CHKB: variants seen among roughly 807,000 people sequenced by gnomAD.
CHKB encodes choline kinase beta, also known as choline/ethanolamine kinase.
Under a neutral mutation model 57.3 loss-of-function variants are expected in CHKB, and 45 were observed. That is an observed-to-expected ratio of 0.79 (90% CI 0.62 to 1.01). The LOEUF (loss-of-function observed/expected upper bound fraction) is 1.01, where lower values mean the gene tolerates loss of function less well. Among genes scored for constraint, CHKB ranks in the 50% least tolerant of loss-of-function variants. The pLI, the probability that CHKB is intolerant of heterozygous loss-of-function variation, is 0.00. For missense variants in CHKB, 517 were observed against 502.8 expected (o/e 1.03, Z -0.27); for synonymous variants, 224 against 201.8 (o/e 1.11, Z -0.93).
Position 50,579,340 on chromosome 22 carries a change from C to G in CHKB, c.1114-85G>C, listed in dbSNP as rs538239713. The stretch of plus-strand genomic sequence containing the variant: ...CCACCTCAGGCTGCCCACAGCCACC[C>G]GGGACTCCCCAGGCCTCCTGGAAGA... On this transcript the variant is annotated intron_variant, in intron 10 of 10. Transcript: ENST00000406938. 2.5e-6 allele frequency: 4 copies of G among 1,579,242 alleles called. No homozygotes were observed. The African/African-American group carries it at 5.4e-5, about 21-fold the overall frequency.
chr22:50,581,558 AC>A lies in CHKB; in HGVS notation c.448-6del. 6.2e-7 allele frequency: 1 copy of A among 1,613,842 alleles called. No homozygotes were observed. The highest frequency in any genetic ancestry group is 1.3e-5 in the African/African-American group (1 of 75,022). ...TTGAGTTTTCAATGGCCGACTCTGC[AC>A]CCAGGAAGCTATCAGGGTGGTGATG... On this transcript the variant is annotated splice_region_variant and splice_polypyrimidine_tract_variant and intron_variant, in intron 3 of 10. Transcript: ENST00000406938.
Position 50,579,046 on chromosome 22 carries a change from G to C in CHKB, c.*135C>G, listed in dbSNP as rs2070607869. ...GCCATGGGGACCTACTCAAACTCAG[G>C]AACAGGCCGGTCTCCTGAACCTCAG... On this transcript the variant is annotated 3_prime_UTR_variant, in exon 11 of 11. Coordinates refer to ENST00000406938, the MANE Select transcript of CHKB (RefSeq NM_005198.5). 4 of 844,710 alleles carry C rather than the reference G, an allele frequency of 4.7e-6. No homozygotes were observed. In the Admixed American group the frequency reaches 8.0e-5, roughly 17 times the overall value. The allele number at this position is 844,710 out of a possible 1,614,324, so 52.3% of individuals were successfully genotyped here.
At position 50,581,745 on chromosome 22, in the gene CHKB, G is replaced by C. The variant is rs375161469; in HGVS notation, c.447+4C>G. On this transcript the variant is annotated splice_donor_region_variant and intron_variant, in intron 3 of 10. Coordinates refer to ENST00000406938, the MANE Select transcript of CHKB (RefSeq NM_005198.5). Reference sequence around the variant, plus strand: ...GGGAGGAGAGGGTAGGACTGGGCCCGTACTGGGATGTACTGTTCCAGCCGG... The same window carrying C: ...GGGAGGAGAGGGTAGGACTGGGCCCCTACTGGGATGTACTGTTCCAGCCGG... 1 of 1,612,932 alleles carries C rather than the reference G, an allele frequency of 6.2e-7. No individual in the cohort carries two copies. Among genetic ancestry groups the C allele is most frequent in the South Asian group, 1.1e-5 (1 of 91,064 alleles).
rs387907068 is a variant in CHKB at position 50,582,666 on chromosome 22, G to A, written c.116C>T (p.Ser39Leu). The A allele has an allele frequency of 6.2e-7, 1 of 1,608,378 alleles. No homozygotes were observed. Among genetic ancestry groups the A allele is most frequent in the Non-Finnish European group, 8.5e-7 (1 of 1,178,394 alleles). Residue 39 changes from serine (S) to leucine (L), a missense_variant, in exon 1 of 11, where the codon TCG (serine) becomes TTG (leucine). Coordinates refer to ENST00000406938, the MANE Select transcript of CHKB (RefSeq NM_005198.5). ...GCGCTCGGCGTCACGCGACAGCGAC[G>A]AGGCGCGCCGCCGTTTTGGGGTAGT... ...PDTTPKRRRA[S>L]SLSRDAERRA...
At chr22:50,581,231 C>T (rs1248055569) in intron 4 of CHKB, among the ~76,000 whole-genome samples, 189 bp downstream of exon 4, 1 of 152,180 alleles carries the variant, frequency 6.6e-6, no homozygotes, top group African/African-American at 2.4e-5. Flanking sequence ...CACCTCGGCT[C>T]CCAAAGTTCT....
Position 50,580,041 on chromosome 22 carries a change from T to A in CHKB, c.860A>T (p.Asp287Val). ...GAAAGGCCATTCCTCGTGAGTATAA[T>A]CATAAACCCACTCACAAAAATGGTT... is the stretch of plus-strand genomic sequence containing the variant. Reference protein sequence around the residue: ...IGNHFCEWVYDYTHEEWPFYK... With the variant: ...IGNHFCEWVYVYTHEEWPFYK... Residue 287 changes from aspartate (D) to valine (V), a missense_variant, in exon 8 of 11, where the codon GAT (aspartate) becomes GTT (valine). Transcript: ENST00000406938. The A allele has an allele frequency of 6.2e-7, 1 of 1,614,012 alleles. No individual in the cohort carries two copies. Among genetic ancestry groups the A allele is most frequent in the Non-Finnish European group, 8.5e-7 (1 of 1,180,022 alleles).
Position 50,580,052 on chromosome 22 carries a change from C to T in CHKB, c.849G>A (p.Glu283=). ...CCTCGTGAGTATAATCATAAACCCACTCACAAAAATGGTTCCCAATGTCAA... is the reference window on the plus strand; with the variant it reads ...CCTCGTGAGTATAATCATAAACCCATTCACAAAAATGGTTCCCAATGTCAA... ...RGFDIGNHFC[E]WVYDYTHEEW... is the part of the protein sequence containing the mutation. Residue 283 remains glutamate (E), a synonymous_variant, in exon 8 of 11, where the codon GAG becomes GAA. Coordinates refer to ENST00000406938, the MANE Select transcript of CHKB (RefSeq NM_005198.5). 1 of 1,614,068 alleles carries T rather than the reference C, an allele frequency of 6.2e-7. No individual in the cohort carries two copies. The highest frequency in any genetic ancestry group is 8.5e-7 in the Non-Finnish European group (1 of 1,180,034).
At chr22:50,581,895 C>G in intron 2 of CHKB, 33 bp from the exon 3 acceptor site, 2 of 1,586,388 alleles carry the variant, frequency 1.3e-6, no homozygotes, top group African/African-American at 1.3e-5. Flanking sequence ...GGGGCCAAGG[C>G]AAAGTGGCAC....
chr22:50,581,816 G>GC lies in CHKB; in HGVS notation c.379dup (p.Ala127GlyfsTer83). The GC allele has an allele frequency of 4.3e-6, 7 of 1,613,828 alleles. No homozygotes were observed. Among genetic ancestry groups the GC allele is most frequent in the Non-Finnish European group, 5.9e-6 (7 of 1,180,012 alleles). On this transcript the variant is annotated frameshift_variant, in exon 3 of 11. Transcript: ENST00000406938. LOFTEE classifies it high-confidence loss of function. ...CAGCTGGGGCCCCAGCGACCGCTCC[G>GC]CAAGTATGGCGAACATCACGCTTTC... is the stretch of plus-strand genomic sequence containing the variant.
Position 50,581,731 on chromosome 22 carries a change from G to A in CHKB, c.447+18C>T, listed in dbSNP as rs888889702. On this transcript the variant is annotated intron_variant, in intron 3 of 10. Transcript: ENST00000406938. ...GTGGAGGTGCCTTGGGGAGGAGAGG[G>A]TAGGACTGGGCCCGTACTGGGATGT... 4 of 1,608,672 alleles carry A rather than the reference G, an allele frequency of 2.5e-6. No individual in the cohort carries two copies. The highest frequency in any genetic ancestry group is 1.1e-5 in the South Asian group (1 of 90,966).
intron 2 of CHKB, 131 bp downstream of exon 2, chr22:50,582,118 C>A (rs1376618611): frequency 3.4e-6 from 3 of 893,552 alleles, no homozygotes; most frequent in Non-Finnish European, 5.4e-6. Context: ...GCCCAGGCTT[C>A]GGTGTAATGA....
rs1453009895 is a variant in CHKB, at chr22:50,581,835, C to T, written c.361G>A (p.Val121Met). 1.2e-5 allele frequency: 20 copies of T among 1,613,732 alleles called. No individual in the cohort carries two copies. Among genetic ancestry groups the T allele is most frequent in the Non-Finnish European group, 1.7e-5 (20 of 1,180,026 alleles). ...CGCTCCGCAAGTATGGCGAACATCACGCTTTCTAGCACCAGGGAGTCCACG... is the reference window on the plus strand; with the variant it reads ...CGCTCCGCAAGTATGGCGAACATCATGCTTTCTAGCACCAGGGAGTCCACG... ...QGVDSLVLES[V>M]MFAILAERSL... The change falls in exon 3 of 11, where the codon GTG (valine) becomes ATG (methionine). Residue 121 changes from valine (V) to methionine (M), a missense_variant. Transcript: ENST00000406938.
In CHKB at chr22:50,579,170, G is replaced by A. The variant is rs1448652873; in HGVS notation, c.*11C>T. 6.2e-7 allele frequency: 1 copy of A among 1,612,714 alleles called. No homozygotes were observed. The highest frequency in any genetic ancestry group is 8.5e-7 in the Non-Finnish European group (1 of 1,179,268). ...GGCTCCAGGAGAAATCCAAGGAGTG[G>A]GAGGGTGGAGTCAGGATGAGGAGTG... On this transcript the variant is annotated 3_prime_UTR_variant, in exon 11 of 11. Coordinates refer to ENST00000406938, the MANE Select transcript of CHKB (RefSeq NM_005198.5).
At chr22:50,579,862 G>A (rs1303113057) in intron 8 of CHKB, 32 bp from the exon 9 acceptor site, 2 of 1,602,162 alleles carry the variant, frequency 1.2e-6, no homozygotes, top group Middle Eastern at 1.7e-4. Flanking sequence ...CAGGAATTGG[G>A]GAGACTGTGG....
chr22:50,581,376 T>C (rs927329289), intron 4 of CHKB, 44 bp downstream of exon 4: 5 of 1,609,444 alleles, frequency 3.1e-6, no homozygotes, highest in Admixed American at 1.7e-5. Context: ...GGCATGGAGG[T>C]TCAGCTCAGG....
intron 2 of CHKB, 193 bp from the exon 3 acceptor site, chr22:50,582,055 C>T (rs1239302268): frequency 5.2e-6 from 4 of 771,026 alleles, no homozygotes; most frequent in East Asian, 2.7e-5. Flanking sequence ...GTCTCGAACT[C>T]CTGTGCTCAA....
rs750714699 is a variant in CHKB at position 50,580,072 on chromosome 22, T to C, written c.829A>G (p.Ile277Val). 6.2e-7 allele frequency: 1 copy of C among 1,613,928 alleles called. No individual in the cohort carries two copies. Among genetic ancestry groups the C allele is most frequent in the Non-Finnish European group, 8.5e-7 (1 of 1,180,006 alleles). The part of the protein sequence containing the change: ...YSSYNYRGFD[I>V]GNHFCEWVYD... ...ACCCACTCACAAAAATGGTTCCCAA[T>C]GTCAAAGCCCCTGGGAGAATAAGGT... Residue 277 changes from isoleucine (I) to valine (V), a missense_variant, in exon 8 of 11, where the codon ATT becomes GTT. Physicochemically the swap from Ile to Val is conservative, Grantham distance 29. Coordinates refer to ENST00000406938, the MANE Select transcript of CHKB (RefSeq NM_005198.5).
rs200220080 is a variant in CHKB at position 50,581,485 on chromosome 22, C to T, written c.516G>A (p.Ala172=). 2.7e-5 allele frequency: 43 copies of T among 1,613,920 alleles called. No individual in the cohort carries two copies. The East Asian group carries it at 4.0e-4, about 15-fold the overall frequency. ...VLSAAIATKM[A]QFHGMEMPFT... ...AAGGCATCTCCATGCCATGAAATTGCGCCATCTTCGTGGCAATGGCTGCTG... is the reference window on the plus strand; with the variant it reads ...AAGGCATCTCCATGCCATGAAATTGTGCCATCTTCGTGGCAATGGCTGCTG... The change falls in exon 4 of 11, where the codon GCG becomes GCA. Residue 172 remains alanine (A), a synonymous_variant. Transcript: ENST00000406938.
rs2070631045 is a variant in CHKB, at chr22:50,579,605, C to T, written c.1032-98G>A. On this transcript the variant is annotated intron_variant, in intron 9 of 10. Coordinates refer to ENST00000406938, the MANE Select transcript of CHKB (RefSeq NM_005198.5). ...TGGCCAATCCCTACAGTTTTAACTT[C>T]TCCCCCACTGTCCTAACTCCACTCT... The T allele has an allele frequency of 1.1e-5, 17 of 1,500,040 alleles. No homozygotes were observed. In the Admixed American group the frequency reaches 2.7e-4, roughly 24 times the overall value. The allele number at this position is 1,500,040 out of a possible 1,614,324, so 92.9% of individuals were successfully genotyped here.
Sources: gnomAD v4.1 joint callset for allele counts (sites outside exome capture counted in the v4.1 genomes callset) on GRCh38, gnomAD v4.1.1 for gene constraint, MANE v1.5 for transcripts, NCBI Gene and HGNC (gene_info 2026-07-23, HGNC 2026-07-21) for gene names.